The following KIF13B variants were observed in gnomAD, a reference collection of about 807,000 sequenced individuals.
KIF13B encodes kinesin-like protein KIF13B.
Under a neutral mutation model 222.0 loss-of-function variants are expected in KIF13B, and 127 were observed. That is an observed-to-expected ratio of 0.57 (90% CI 0.50 to 0.66). The LOEUF is 0.66. KIF13B is among the 30% of genes least tolerant of loss of function. The pLI, the probability that KIF13B is intolerant of heterozygous loss-of-function variation, is 0.00. For synonymous variants in KIF13B, 976 were observed against 919.0 expected, an observed-to-expected ratio of 1.06 and a Z score of -1.12; for missense variants, 2,173 against 2,379.0, an observed-to-expected ratio of 0.91 and a Z score of 1.80.
intron 20 of KIF13B, 60 bp downstream of exon 20, chr8:29,140,408 C>T: frequency 6.5e-7 from 1 of 1,543,642 alleles, no homozygotes; most frequent in Non-Finnish European, 8.8e-7. Flanking sequence ...TATCCCATCA[C>T]CACCCTCTTG....
intron 2 of KIF13B, among the ~76,000 whole-genome samples, chr8:29,243,088 T>C (rs1361275214): frequency 1.3e-5 from 2 of 152,138 alleles, no homozygotes; most frequent in Non-Finnish European, 2.9e-5. Flanking sequence ...GGCTCACGCC[T>C]GTAATCTCAG....
rs368719500 is a variant in KIF13B, at chr8:29,142,554, G to T, written c.2188-251C>A. Among the ~76,000 whole-genome samples, 17 of 152,158 alleles carry T rather than the reference G, an allele frequency of 1.1e-4. No homozygotes were observed. In the East Asian group the frequency reaches 2.7e-3, roughly 24 times the overall value. ...ACTTACATTAAAAATTTTTTGGGGG[G>T]AGTTGCTGGGCATGGTGGTTCACGC... is the stretch of plus-strand genomic sequence containing the variant. On this transcript the variant is annotated intron_variant, in intron 18 of 39. Coordinates refer to ENST00000524189, the MANE Select transcript of KIF13B (RefSeq NM_015254.4).
At chr8:29,146,766 T>C (rs1454558605) in intron 17 of KIF13B, among the ~76,000 whole-genome samples, 1 of 152,196 alleles carries the variant, frequency 6.6e-6, no homozygotes, top group East Asian at 1.9e-4. Flanking sequence ...CGGCTGTAGA[T>C]AACAGCAGTG....
At chr8:29,206,325 T>C (rs919309844) in intron 2 of KIF13B, among the ~76,000 whole-genome samples, 3 of 152,218 alleles carry the variant, frequency 2.0e-5, no homozygotes, top group Admixed American at 6.5e-5. Context: ...TGCTGACGCA[T>C]GCTTGATAAA....
At chr8:29,230,656 T>G (rs1815244973) in intron 2 of KIF13B, among the ~76,000 whole-genome samples, 1 of 152,068 alleles carries the variant, frequency 6.6e-6, no homozygotes, top group Non-Finnish European at 1.5e-5. Flanking sequence ...TATGAGCACG[T>G]GAAGCTGGCG....
intron 6 of KIF13B, among the ~76,000 whole-genome samples, chr8:29,183,621 T>C (rs536015781): frequency 6.6e-5 from 10 of 152,362 alleles, no homozygotes; most frequent in Admixed American, 3.9e-4. Context: ...TGTATTATAA[T>C]AAACTTTGGG....
At chr8:29,248,821 T>C (rs1816154478) in intron 1 of KIF13B, among the ~76,000 whole-genome samples, 1 of 152,210 alleles carries the variant, frequency 6.6e-6, no homozygotes, top group Non-Finnish European at 1.5e-5. Flanking sequence ...TTACTTGAAA[T>C]ATCCAGAATA....
intron 32 of KIF13B, among the ~76,000 whole-genome samples, chr8:29,111,264 C>T (rs907613074): frequency 6.6e-6 from 1 of 152,216 alleles, no homozygotes; most frequent in African/African-American, 2.4e-5. Flanking sequence ...CACCCCAACA[C>T]AGAATACTTT....
At chr8:29,165,814 C>T (rs773910338) in intron 11 of KIF13B, 42 bp from the exon 12 acceptor site, 13 of 1,429,656 alleles carry the variant, frequency 9.1e-6, no homozygotes, top group Middle Eastern at 1.8e-4. Context: ...CTAGAAGATG[C>T]CCTGGAAAAA....
chr8:29,071,502 C>T lies in KIF13B; in HGVS notation c.5218+118G>A. 1.1e-6 allele frequency: 1 copy of T among 906,776 alleles called. No individual in the cohort carries two copies. The highest frequency in any genetic ancestry group is 1.7e-6 in the Non-Finnish European group (1 of 594,612). 56.2% of individuals were successfully genotyped at this position (906,776 alleles called of 1,614,324 possible). ...AGCCGCTCCCGCAGCTTCAGCCAAG[C>T]CGCTGCCTCCCGGCCCCTCCCTCTC... On this transcript the variant is annotated intron_variant, in intron 39 of 39. Coordinates refer to ENST00000524189, the MANE Select transcript of KIF13B (RefSeq NM_015254.4). The surrounding 1 kb of genome is among the most constrained non-coding windows in gnomAD (Gnocchi z 4.9).
At position 29,108,198 on chromosome 8, in the gene KIF13B, G is replaced by GA. The variant is rs1458183365; in HGVS notation, c.4162-7dup. Reference sequence around the variant, plus strand: ...TCTTGTCGGCTTCCAGACAACTGAAGAAGAAAGAAAGGGGGGTTAGTTATT... The same window carrying GA: ...TCTTGTCGGCTTCCAGACAACTGAAGAAAGAAAGAAAGGGGGGTTAGTTATT... On this transcript the variant is annotated splice_polypyrimidine_tract_variant and splice_region_variant and intron_variant, in intron 34 of 39. Coordinates refer to ENST00000524189, the MANE Select transcript of KIF13B (RefSeq NM_015254.4). 1.2e-6 allele frequency: 2 copies of GA among 1,611,274 alleles called. No homozygotes were observed. The highest frequency in any genetic ancestry group is 4.5e-5 in the East Asian group (2 of 44,870).
intron 22 of KIF13B, 45 bp from the exon 23 acceptor site, chr8:29,132,510 A>T: frequency 3.3e-5 from 42 of 1,291,714 alleles, no homozygotes; most frequent in Non-Finnish European, 4.2e-5. Flanking sequence ...TCTTTCTGGT[A>T]ATCTTATGAT....
chr8:29,225,151 CAGAT>C (rs1156908212), intron 2 of KIF13B, among the ~76,000 whole-genome samples: 2 of 152,156 alleles, frequency 1.3e-5, no homozygotes, highest in Non-Finnish European at 2.9e-5. Flanking sequence ...GAAGCTGTTT[CAGAT>C]AGAGAATAGC....
intron 1 of KIF13B, among the ~76,000 whole-genome samples, chr8:29,260,005 CT>C (rs1232250270): frequency 1.3e-5 from 2 of 152,104 alleles, no homozygotes; most frequent in Non-Finnish European, 2.9e-5. Context: ...AGTATGTGAA[CT>C]TTTTTCTTTT....
chr8:29,247,627 G>A (rs913511159), intron 1 of KIF13B, among the ~76,000 whole-genome samples: 2 of 151,562 alleles, frequency 1.3e-5, no homozygotes, highest in African/African-American at 4.8e-5. Context: ...ACAGGAGTTT[G>A]AGACCAGCCT....
chr8:29,224,873 C>G (rs1427993915), intron 2 of KIF13B, among the ~76,000 whole-genome samples: 1 of 152,202 alleles, frequency 6.6e-6, no homozygotes, highest in Non-Finnish European at 1.5e-5. Flanking sequence ...GATGATGAGA[C>G]TTCTGTACAA....
At chr8:29,223,013 T>C (rs1266589923) in intron 2 of KIF13B, among the ~76,000 whole-genome samples, 1 of 152,036 alleles carries the variant, frequency 6.6e-6, no homozygotes, top group Non-Finnish European at 1.5e-5. Context: ...ATTGATTTTA[T>C]ATATATACAT....
chr8:29,197,263 G>A (rs1274204016), intron 2 of KIF13B, among the ~76,000 whole-genome samples: 2 of 147,696 alleles, frequency 1.4e-5, no homozygotes, highest in Admixed American at 6.7e-5. Flanking sequence ...CGTGAACCCG[G>A]GAGGCGGAGC....
chr8:29,257,079 T>C (rs191002425), intron 1 of KIF13B, among the ~76,000 whole-genome samples: 1 of 152,300 alleles, frequency 6.6e-6, no homozygotes, highest in African/African-American at 2.4e-5. Flanking sequence ...AAAGTCTGGT[T>C]TGAAGAATAA....
Sources: gnomAD v4.1 joint callset for allele counts (sites outside exome capture counted in the v4.1 genomes callset) on GRCh38, gnomAD v4.1.1 for gene constraint, Gnocchi (gnomAD v3.1) non-coding constraint, MANE v1.5 for transcripts, NCBI Gene and HGNC (gene_info 2026-07-23, HGNC 2026-07-21) for gene names.